The following INPP5B variants were observed in gnomAD, a reference collection of about 807,000 sequenced individuals.
The protein encoded by INPP5B is type II inositol 1,4,5-trisphosphate 5-phosphatase.
In INPP5B, 90 loss-of-function variants were observed where a neutral mutation model predicts 118.5. That is an observed-to-expected ratio of 0.76 (90% CI 0.64 to 0.90). The LOEUF (loss-of-function observed/expected upper bound fraction) is 0.90. Ranked by LOEUF, INPP5B falls within the 40% of genes least tolerant of loss-of-function variation. The pLI is 0.00. For synonymous variants in INPP5B, 385 were observed against 418.9 expected (o/e 0.92, Z 0.99); for missense variants, 984 against 1,125.6 (o/e 0.87, Z 1.80).
intron 22 of INPP5B, chr1:37,864,676 T>A (rs1463932156): frequency 3.5e-6 from 1 of 289,056 alleles, no homozygotes; most frequent in Non-Finnish European, 6.5e-6. Context: ...GGGTCTTGAA[T>A]GTAAGACAAA....
chr1:37,868,180 G>A (rs1642163747), intron 20 of INPP5B, among the ~76,000 whole-genome samples: 1 of 152,110 alleles, frequency 6.6e-6, no homozygotes, highest in Non-Finnish European at 1.5e-5. Flanking sequence ...AGGCATGATG[G>A]CAGGTGCCTG....
chr1:37,896,571 G>T (rs1238521613), intron 7 of INPP5B, among the ~76,000 whole-genome samples: 1 of 146,240 alleles, frequency 6.8e-6, no homozygotes, highest in Non-Finnish European at 1.5e-5. Context: ...CCTCTGCCCG[G>T]CCAGCCGCTC....
intron 7 of INPP5B, among the ~76,000 whole-genome samples, chr1:37,903,795 CAGA>C (rs1644412578): frequency 6.6e-6 from 1 of 151,890 alleles, no homozygotes; most frequent in African/African-American, 2.4e-5. Flanking sequence ...GAGGCTGAAG[CAGA>C]AGAATTGCTT....
At chr1:37,919,286 G>A (rs893450969) in intron 7 of INPP5B, among the ~76,000 whole-genome samples, 2 of 152,160 alleles carry the variant, frequency 1.3e-5, no homozygotes, top group East Asian at 1.9e-4. Context: ...TTAGGTCTAG[G>A]AGGAGGTGTC....
chr1:37,886,114 T>C (rs572255899), intron 12 of INPP5B, among the ~76,000 whole-genome samples: 6 of 151,398 alleles, frequency 4.0e-5, no homozygotes, highest in Non-Finnish European at 3.0e-5. Flanking sequence ...GAGGGAGAGG[T>C]TGCAGTGAGC....
At chr1:37,913,843 C>T (rs1243987567) in intron 7 of INPP5B, among the ~76,000 whole-genome samples, 1 of 152,178 alleles carries the variant, frequency 6.6e-6, no homozygotes, top group African/African-American at 2.4e-5. Flanking sequence ...TGCATGTATA[C>T]ATCCAGATGG....
intron 7 of INPP5B, among the ~76,000 whole-genome samples, chr1:37,905,387 A>G (rs1447210868): frequency 6.6e-6 from 1 of 152,196 alleles, no homozygotes; most frequent in African/African-American, 2.4e-5. Context: ...CTGGGTGACA[A>G]AGCAAGATTC....
intron 7 of INPP5B, among the ~76,000 whole-genome samples, chr1:37,903,604 G>A (rs918365444): frequency 1.3e-5 from 2 of 152,190 alleles, no homozygotes; most frequent in African/African-American, 2.4e-5. Context: ...GCGGGTGCCT[G>A]TAGTCCCAGC....
At chr1:37,916,173 A>C (rs1644853091) in intron 7 of INPP5B, among the ~76,000 whole-genome samples, 1 of 151,756 alleles carries the variant, frequency 6.6e-6, no homozygotes, top group South Asian at 2.1e-4. Flanking sequence ...GGCTCACTAC[A>C]ATCTCTGCCT....
chr1:37,914,425 A>T (rs554870186), intron 7 of INPP5B, among the ~76,000 whole-genome samples: 1 of 152,280 alleles, frequency 6.6e-6, no homozygotes, highest in South Asian at 2.1e-4. Context: ...CAAACCTCTG[A>T]GGATTGCATG....
intron 7 of INPP5B, 183 bp downstream of exon 7, chr1:37,931,730 C>G: frequency 6.4e-7 from 1 of 1,572,552 alleles, no homozygotes. Context: ...CCTGCTTCCT[C>G]AAGCTCCTCA....
chr1:37,912,530 G>C (rs1052455015), intron 7 of INPP5B, among the ~76,000 whole-genome samples: 1 of 152,110 alleles, frequency 6.6e-6, no homozygotes, highest in Non-Finnish European at 1.5e-5. Context: ...CCAAAAACTT[G>C]TCATCCCTAT....
rs1359203958 is a variant in INPP5B at position 37,908,149 on chromosome 1, C to T, written c.533-16695G>A. On this transcript the variant is annotated intron_variant, in intron 7 of 23. Transcript: ENST00000373024. ...CTGCACCCAGGTGAAATAAACAGCC[C>T]TGTTGCTCACACAAAGCCTGTTGGT... Among the ~76,000 whole-genome samples the T allele has an allele frequency of 6.6e-5, 10 of 152,312 alleles. No individual in the cohort carries two copies. In the East Asian group the frequency reaches 1.4e-3, roughly 21 times the overall value.
At chr1:37,896,960 C>G (rs1490030174) in intron 7 of INPP5B, among the ~76,000 whole-genome samples, 1 of 121,718 alleles carries the variant, frequency 8.2e-6, no homozygotes, top group Non-Finnish European at 1.9e-5. Context: ...GCCCGGCCAG[C>G]CGCCCCGTCC....
chr1:37,866,385 T>TTCTCTC (rs57019964), intron 21 of INPP5B, 74 bp downstream of exon 21: 6,237 of 600,058 alleles, frequency 0.01, 4 homozygotes, highest in Middle Eastern at 0.029. Flanking sequence ...CTCACTCATA[T>TTCTCTC]TCTCTCTCTC....
At chr1:37,911,301 T>G (rs544236311) in intron 7 of INPP5B, among the ~76,000 whole-genome samples, 2 of 152,320 alleles carry the variant, frequency 1.3e-5, no homozygotes, top group South Asian at 4.1e-4. Flanking sequence ...ACTCACTCTT[T>G]GTTGAGTCTC....
chr1:37,877,424 T>C (rs1223489058), intron 16 of INPP5B, among the ~76,000 whole-genome samples: 1 of 151,362 alleles, frequency 6.6e-6, no homozygotes, highest in African/African-American at 2.4e-5. Flanking sequence ...CATGATAAAA[T>C]ATCTGCTTAT....
chr1:37,865,791 C>T lies in INPP5B; in HGVS notation c.2484G>A (p.Glu828=). ...TGCTTGCTGTGTAGTTGCCAGAACA[C>T]TCCAAGCAGTTATGGTAGGTGCTGT... ...ICYSTYHNCL[E]CSGNYTASKQ... Residue 828 remains glutamate (E), a synonymous_variant, in exon 22 of 24, where the codon GAG becomes GAA. Transcript: ENST00000373024. 1 of 1,613,718 alleles carries T rather than the reference C, an allele frequency of 6.2e-7. No individual in the cohort carries two copies. The highest frequency in any genetic ancestry group is 8.5e-7 in the Non-Finnish European group (1 of 1,179,748).
chr1:37,891,776 AAAAC>A (rs978392611), intron 7 of INPP5B, among the ~76,000 whole-genome samples: 3 of 152,214 alleles, frequency 2.0e-5, no homozygotes, highest in South Asian at 2.1e-4. Context: ...CTCCATCTCA[AAAAC>A]AAACAAACAA....
Sources: allele counts gnomAD v4.1 joint callset (sites outside exome capture counted in the v4.1 genomes callset), GRCh38; gene constraint gnomAD v4.1.1; transcripts MANE v1.5; gene names NCBI Gene and HGNC (gene_info 2026-07-23, HGNC 2026-07-21).